CDH10: variants seen among roughly 807,000 people sequenced by gnomAD.
CDH10 encodes cadherin 10.
Under a neutral mutation model 73.1 loss-of-function variants are expected in CDH10, and 30 were observed. The observed-to-expected ratio is 0.41, with a 90% CI of 0.31 to 0.56. The LOEUF (loss-of-function observed/expected upper bound fraction) is 0.56, where lower values mean the gene tolerates loss of function less well. Ranked by LOEUF, CDH10 falls within the 20% of genes least tolerant of loss-of-function variation. CDH10 has a pLI of 0.27. For missense variants in CDH10, 815 were observed against 973.7 expected, an observed-to-expected ratio of 0.84 and a Z score of 2.17; for synonymous variants, 345 against 348.2, an observed-to-expected ratio of 0.99 and a Z score of 0.10.
intron 1 of CDH10, among the ~76,000 whole-genome samples, chr5:24,622,021 T>G (rs771068605): frequency 3.9e-5 from 6 of 152,166 alleles, no homozygotes; most frequent in Non-Finnish European, 8.8e-5. Flanking sequence ...ATTGGCTTCT[T>G]GCCAGCTCTT....
intron 11 of CDH10, among the ~76,000 whole-genome samples, chr5:24,489,687 A>C (rs1741978970): frequency 6.6e-6 from 1 of 152,136 alleles, no homozygotes; most frequent in African/African-American, 2.4e-5. Flanking sequence ...ATAGGTTTAA[A>C]CTAACAAAAC....
chr5:24,610,421 T>C lies in CDH10; in HGVS notation c.-123-16808A>G, dbSNP rs1339829637. Among the ~76,000 whole-genome samples the C allele has an allele frequency of 2.6e-5, 4 of 152,282 alleles. No homozygotes were observed. The East Asian group carries it at 7.7e-4, about 29-fold the overall frequency. ...AGGATTATCTTTATTTTTGCTTCCATTATGCTAATTGTATTTGATTAAATT... is the reference window on the plus strand; with the variant it reads ...AGGATTATCTTTATTTTTGCTTCCACTATGCTAATTGTATTTGATTAAATT... On this transcript the variant is annotated intron_variant, in intron 1 of 11. Coordinates refer to ENST00000264463, the MANE Select transcript of CDH10 (RefSeq NM_006727.5).
chr5:24,497,157 A>G (rs1338929861), intron 9 of CDH10, among the ~76,000 whole-genome samples: 3 of 152,200 alleles, frequency 2.0e-5, no homozygotes, highest in African/African-American at 7.2e-5. Flanking sequence ...ATAAACAAAC[A>G]TACTTTCTAT....
At chr5:24,559,585 G>A (rs1744883782) in intron 2 of CDH10, among the ~76,000 whole-genome samples, 1 of 151,964 alleles carries the variant, frequency 6.6e-6, no homozygotes, top group Admixed American at 6.6e-5. Context: ...GAAAACATGG[G>A]AAAAAAGAGA....
intron 1 of CDH10, among the ~76,000 whole-genome samples, chr5:24,626,342 G>T (rs75684148): frequency 6.6e-6 from 1 of 152,022 alleles, no homozygotes; most frequent in African/African-American, 2.4e-5. Flanking sequence ...AGCTTATTTG[G>T]CAAAAACTGA....
At chr5:24,515,145 A>T (rs2111785647) in intron 5 of CDH10, among the ~76,000 whole-genome samples, 1 of 152,336 alleles carries the variant, frequency 6.6e-6, no homozygotes, top group Admixed American at 6.5e-5. Context: ...TGTGACAGTT[A>T]GAAAATATTA....
intron 1 of CDH10, among the ~76,000 whole-genome samples, chr5:24,621,677 A>G (rs555960075): frequency 6.6e-6 from 1 of 152,170 alleles, no homozygotes; most frequent in Non-Finnish European, 1.5e-5. Flanking sequence ...GAAGGAAAAA[A>G]GAGAAAGCCT....
At chr5:24,584,096 A>G (rs1745896129) in intron 2 of CDH10, among the ~76,000 whole-genome samples, 1 of 152,176 alleles carries the variant, frequency 6.6e-6, no homozygotes, top group Non-Finnish European at 1.5e-5. Context: ...TTAATTATAA[A>G]TGAAAGATAA....
chr5:24,639,120 A>C (rs1308832431), intron 1 of CDH10, among the ~76,000 whole-genome samples: 3 of 151,712 alleles, frequency 2.0e-5, no homozygotes, highest in African/African-American at 7.2e-5. Flanking sequence ...AAATCTATCA[A>C]AAAATAAGCC....
intron 2 of CDH10, among the ~76,000 whole-genome samples, chr5:24,582,001 G>A (rs72752022): frequency 1.4e-4 from 22 of 152,104 alleles, no homozygotes; most frequent in Admixed American, 1.4e-3. Context: ...CTCATTCACT[G>A]CTGGTGGAAG....
intron 1 of CDH10, among the ~76,000 whole-genome samples, chr5:24,623,724 C>T (rs1747393069): frequency 6.6e-6 from 1 of 152,130 alleles, no homozygotes. Flanking sequence ...CTATCAGAAA[C>T]AAAGCAAGTA....
intron 1 of CDH10, among the ~76,000 whole-genome samples, chr5:24,638,319 C>T (rs1554028195): frequency 6.6e-6 from 1 of 151,246 alleles, no homozygotes; most frequent in Non-Finnish European, 1.5e-5. Context: ...AAGAAAGTCT[C>T]AGAAAAAGTA....
At chr5:24,504,715 G>T (rs1007610758) in intron 8 of CDH10, among the ~76,000 whole-genome samples, 1 of 151,386 alleles carries the variant, frequency 6.6e-6, no homozygotes, top group Non-Finnish European at 1.5e-5. Context: ...TAGTAGAGAC[G>T]GGGTTTCACT....
chr5:24,606,087 A>G (rs1033447437), intron 1 of CDH10, among the ~76,000 whole-genome samples: 2 of 152,210 alleles, frequency 1.3e-5, no homozygotes, highest in Non-Finnish European at 2.9e-5. Context: ...GACAAGAGGT[A>G]ACTCCCTGGG....
intron 1 of CDH10, chr5:24,610,043 C>T (rs909173731): frequency 2.0e-5 from 3 of 152,224 alleles, no homozygotes; most frequent in Non-Finnish European, 2.9e-5. Flanking sequence ...GGCAAGGAGG[C>T]CCTGGGCCCA....
intron 5 of CDH10, among the ~76,000 whole-genome samples, chr5:24,514,648 T>A (rs1743043923): frequency 6.6e-6 from 1 of 152,156 alleles, no homozygotes; most frequent in African/African-American, 2.4e-5. Context: ...ACTGCCCCAA[T>A]GAAAGCACTT....
intron 2 of CDH10, among the ~76,000 whole-genome samples, chr5:24,561,028 C>T (rs773480358): frequency 8.2e-4 from 125 of 152,066 alleles, no homozygotes; most frequent in Admixed American, 3.9e-4. Flanking sequence ...GAATGACAAT[C>T]GTTGTCTTGC....
chr5:24,605,698 A>G (rs1746736988), intron 1 of CDH10, among the ~76,000 whole-genome samples: 1 of 152,238 alleles, frequency 6.6e-6, no homozygotes, highest in African/African-American at 2.4e-5. Flanking sequence ...ATTTGATACA[A>G]TATTCCTACC....
chr5:24,574,686 C>A (rs1439139912), intron 2 of CDH10, among the ~76,000 whole-genome samples: 1 of 151,822 alleles, frequency 6.6e-6, no homozygotes, highest in Non-Finnish European at 1.5e-5. Flanking sequence ...AACAAAATAT[C>A]CTATTGAAGG....
Sources: allele counts gnomAD v4.1 joint callset (sites outside exome capture counted in the v4.1 genomes callset), GRCh38; gene constraint gnomAD v4.1.1; transcripts MANE v1.5; gene names NCBI Gene and HGNC (gene_info 2026-07-23, HGNC 2026-07-21).